Variants in FMN1 observed in about 807,000 individuals in gnomAD.
FMN1 encodes the protein formin 1, also known as formin-1.
A neutral mutation model predicts 132.4 loss-of-function variants in FMN1; 110 were observed. The ratio of observed to expected loss-of-function variants is 0.83; its 90% CI spans 0.71 to 0.97. FMN1 has a LOEUF of 0.97. FMN1 is among the 50% of genes least tolerant of loss of function. FMN1 has a pLI of 0.00. For synonymous variants in FMN1, 722 were observed against 651.7 expected (o/e 1.11, Z -1.64); for missense variants, 1,792 against 1,705.3 (o/e 1.05, Z -0.90).
chr15:33,033,495 C>A (rs2036043329), intron 6 of FMN1, among the ~76,000 whole-genome samples: 1 of 152,182 alleles, frequency 6.6e-6, no homozygotes. Flanking sequence ...AAGCTCTTAT[C>A]CCTCTTACTT....
In FMN1 at chr15:32,776,828, A is replaced by C; in HGVS notation, c.4215+7T>G. ...ATCGTTAGATTATGTTGAAAAATAT[A>C]TCTCACCAGGCTAGCAGTGGGATTG... On this transcript the variant is annotated splice_region_variant and intron_variant, in intron 20 of 20. Transcript: ENST00000616417. 1 of 1,543,246 alleles carries C rather than the reference A, an allele frequency of 6.5e-7. No homozygotes were observed. Among genetic ancestry groups the C allele is most frequent in the South Asian group, 1.2e-5 (1 of 85,482 alleles).
At chr15:32,795,861 T>C (rs2057272890) in intron 19 of FMN1, among the ~76,000 whole-genome samples, 1 of 152,162 alleles carries the variant, frequency 6.6e-6, no homozygotes, top group African/African-American at 2.4e-5. Flanking sequence ...CAAGGAAAAT[T>C]GAAAGCCATT....
At chr15:32,804,160 G>A (rs1321052646) in intron 18 of FMN1, 121 bp downstream of exon 18, 9 of 722,384 alleles carry the variant, frequency 1.2e-5, no homozygotes, top group Admixed American at 2.8e-5. Context: ...TAAAGTTTCA[G>A]TTGGGGAAGT....
intron 6 of FMN1, among the ~76,000 whole-genome samples, chr15:33,053,212 AAC>A (rs1462966949): frequency 6.6e-6 from 1 of 152,198 alleles, no homozygotes; most frequent in Non-Finnish European, 1.5e-5. Flanking sequence ...CTGGGCTGCT[AAC>A]ACACCACCAT....
intron 3 of FMN1, among the ~76,000 whole-genome samples, chr15:33,163,586 G>A (rs1439409449): frequency 7.5e-6 from 1 of 134,216 alleles, no homozygotes; most frequent in Non-Finnish European, 1.6e-5. Flanking sequence ...GAGCTACCAT[G>A]CCTGGCTGTT....
intron 8 of FMN1, among the ~76,000 whole-genome samples, chr15:32,967,243 G>A (rs1182260565): frequency 1.3e-5 from 2 of 152,188 alleles, no homozygotes; most frequent in Non-Finnish European, 2.9e-5. Flanking sequence ...TGGGTGAAGG[G>A]CCCACATCTC....
chr15:33,183,550 C>T (rs1965776623), intron 2 of FMN1, among the ~76,000 whole-genome samples: 1 of 152,214 alleles, frequency 6.6e-6, no homozygotes, highest in Admixed American at 6.5e-5. Context: ...CACTCAATAA[C>T]ATTTCAGTGA....
intron 4 of FMN1, among the ~76,000 whole-genome samples, chr15:33,123,136 T>C: frequency 6.8e-6 from 1 of 147,154 alleles, no homozygotes; most frequent in East Asian, 1.9e-4. Flanking sequence ...CGTCAAGCCT[T>C]GTGGATCTAT....
intron 7 of FMN1, among the ~76,000 whole-genome samples, chr15:32,997,941 T>A (rs1294145261): frequency 1.3e-5 from 2 of 152,210 alleles, no homozygotes; most frequent in African/African-American, 2.4e-5. Flanking sequence ...TTCTGCTTTG[T>A]ATTCGTATGT....
chr15:33,094,442 G>C (rs1416324295), intron 4 of FMN1, among the ~76,000 whole-genome samples: 1 of 152,168 alleles, frequency 6.6e-6, no homozygotes. Context: ...AAGATAAGGA[G>C]AATAACAATA....
At chr15:32,781,185 A>G (rs559658205) in intron 19 of FMN1, among the ~76,000 whole-genome samples, 2 of 152,310 alleles carry the variant, frequency 1.3e-5, no homozygotes, top group South Asian at 4.1e-4. Context: ...TCTTCAAAAA[A>G]TCTTCAAAAT....
At chr15:32,941,850 C>T (rs2061406712) in intron 9 of FMN1, among the ~76,000 whole-genome samples, 1 of 152,126 alleles carries the variant, frequency 6.6e-6, no homozygotes, top group South Asian at 2.1e-4. Context: ...TGTTTTATAT[C>T]AGATTGTTAA....
At chr15:33,158,746 C>T (rs1964776786) in intron 3 of FMN1, among the ~76,000 whole-genome samples, 1 of 152,152 alleles carries the variant, frequency 6.6e-6, no homozygotes, top group African/African-American at 2.4e-5. Context: ...AAAAAGATTA[C>T]TTCAGAAGTA....
intron 7 of FMN1, among the ~76,000 whole-genome samples, chr15:32,977,414 GAAAAAGA>G (rs1312113682): frequency 6.6e-6 from 1 of 152,138 alleles, no homozygotes; most frequent in Admixed American, 6.5e-5. Context: ...CCATCCTCCT[GAAAAAGA>G]TATGGAATGA....
chr15:33,036,398 T>G (rs909110377), intron 6 of FMN1, among the ~76,000 whole-genome samples: 1 of 152,246 alleles, frequency 6.6e-6, no homozygotes, highest in African/African-American at 2.4e-5. Flanking sequence ...GCTATAAGGT[T>G]TTATACATTA....
In FMN1 at chr15:32,951,440, C is replaced by T. The variant is rs1415840662; in HGVS notation, c.3138+12667G>A. Among the ~76,000 whole-genome samples, 5 of 151,540 alleles carry T rather than the reference C, an allele frequency of 3.3e-5. No individual in the cohort carries two copies. The South Asian group carries it at 6.2e-4, about 19-fold the overall frequency. ...CCCCAGTGGGACACACACACACACACACACACACACACACACATCCACGCA... is the reference window on the plus strand; with the variant it reads ...CCCCAGTGGGACACACACACACACATACACACACACACACACATCCACGCA... On this transcript the variant is annotated intron_variant, in intron 9 of 20. Coordinates refer to ENST00000616417, the MANE Select transcript of FMN1 (RefSeq NM_001277313.2).
chr15:33,123,590 G>T (rs923496065), intron 4 of FMN1, among the ~76,000 whole-genome samples: 1 of 152,122 alleles, frequency 6.6e-6, no homozygotes, highest in Admixed American at 6.5e-5. Flanking sequence ...TCTAACATAT[G>T]GTATGGGGGT....
At chr15:32,929,603 C>A (rs2061053961) in intron 9 of FMN1, among the ~76,000 whole-genome samples, 1 of 152,172 alleles carries the variant, frequency 6.6e-6, no homozygotes, top group Non-Finnish European at 1.5e-5. Context: ...GTTGTTCCAG[C>A]CCCTGGGAAC....
intron 6 of FMN1, among the ~76,000 whole-genome samples, chr15:33,018,274 C>CT (rs1192887990): frequency 1.1e-4 from 17 of 151,824 alleles, no homozygotes; most frequent in East Asian, 9.7e-4. Flanking sequence ...AAAGTGATGT[C>CT]TTTTTTTTAA....
Sources: allele counts gnomAD v4.1 joint callset (sites outside exome capture counted in the v4.1 genomes callset), GRCh38; gene constraint gnomAD v4.1.1; transcripts MANE v1.5; gene names NCBI Gene and HGNC (gene_info 2026-07-23, HGNC 2026-07-21).